EFCAB6: variants seen among roughly 807,000 people sequenced by gnomAD.
EFCAB6 encodes EF-hand calcium binding domain 6.
A neutral mutation model predicts 169.8 loss-of-function variants in EFCAB6; 156 were observed. The observed-to-expected ratio is 0.92, with a 90% CI of 0.81 to 1.05. The LOEUF (loss-of-function observed/expected upper bound fraction) is 1.05, where lower values mean the gene tolerates loss of function less well. Among genes scored for constraint, EFCAB6 ranks in the 50% least tolerant of loss-of-function variants. The pLI is 0.00. For synonymous variants in EFCAB6, 698 were observed against 676.4 expected, an observed-to-expected ratio of 1.03 and a Z score of -0.50; for missense variants, 1,800 against 1,829.1, an observed-to-expected ratio of 0.98 and a Z score of 0.29.
intron 17 of EFCAB6, among the ~76,000 whole-genome samples, chr22:43,644,175 C>T (rs2055997500): frequency 6.6e-6 from 1 of 152,068 alleles, no homozygotes; most frequent in Admixed American, 6.6e-5. Flanking sequence ...TATGTAGATT[C>T]ACTCTCGTGA....
chr22:43,671,996 A>T lies in EFCAB6; in HGVS notation c.1617T>A (p.Phe539Leu), dbSNP rs1195003535. 1 of 1,613,284 alleles carries T rather than the reference A, an allele frequency of 6.2e-7. No homozygotes were observed. ...FKKIMHVFCP[F>L]LTNAHFIKLC... ...ACTTTATGAAATGTGCATTCGTTAA[A>T]AATGGACAGAAGACGTGCATGATTT... The change falls in exon 15 of 32, where the codon TTT becomes TTA. Residue 539 changes from phenylalanine to leucine, a missense_variant. By Grantham distance (22) the Phe-to-Leu change is conservative. Transcript: ENST00000262726.
intron 2 of EFCAB6, among the ~76,000 whole-genome samples, chr22:43,793,583 A>G (rs1307084553): frequency 8.1e-6 from 1 of 123,936 alleles, no homozygotes; most frequent in Non-Finnish European, 1.8e-5. Flanking sequence ...GTTAAAGAAA[A>G]TGGCAATATG....
At chr22:43,755,992 A>G (rs375790418) in intron 5 of EFCAB6, among the ~76,000 whole-genome samples, 160 bp from the exon 6 acceptor site, 7 of 152,274 alleles carry the variant, frequency 4.6e-5, no homozygotes, top group Admixed American at 6.5e-5. Flanking sequence ...AAACTGGGCA[A>G]ATTACTTTGT....
intron 3 of EFCAB6, among the ~76,000 whole-genome samples, chr22:43,774,784 A>T (rs2061586292): frequency 6.6e-6 from 1 of 151,732 alleles, no homozygotes; most frequent in Admixed American, 6.6e-5. Context: ...CAGCCTGGGC[A>T]AAAGGGGGAT....
chr22:43,576,186 C>T lies in EFCAB6; in HGVS notation c.3420+111G>A, dbSNP rs536669914. On this transcript the variant is annotated intron_variant, in intron 26 of 31. Coordinates refer to ENST00000262726, the MANE Select transcript of EFCAB6 (RefSeq NM_022785.4). ...TTTTTCATTTAGAATGAGCTAATTA[C>T]ATGAGGTGATTGCCAATTTATCTGA... 6.3e-4 allele frequency: 543 copies of T among 855,854 alleles called. 1 individual carries two copies. The highest frequency in any genetic ancestry group is 6.2e-3 in the Middle Eastern group (17 of 2,724). The allele number at this position is 855,854 out of a possible 1,614,324, so 53.0% of individuals were successfully genotyped here.
chr22:43,721,352 C>T (rs2059518956), intron 8 of EFCAB6, among the ~76,000 whole-genome samples: 1 of 152,124 alleles, frequency 6.6e-6, no homozygotes, highest in Admixed American at 6.6e-5. Context: ...ATCAATGTCA[C>T]TCTTCAAGAA....
intron 5 of EFCAB6, among the ~76,000 whole-genome samples, chr22:43,764,508 T>A (rs1432937460): frequency 6.6e-6 from 1 of 152,150 alleles, no homozygotes; most frequent in Non-Finnish European, 1.5e-5. Context: ...AACATATGAG[T>A]GCATGTGTCT....
At chr22:43,761,436 A>G (rs1192762221) in intron 5 of EFCAB6, among the ~76,000 whole-genome samples, 1 of 152,098 alleles carries the variant, frequency 6.6e-6, no homozygotes, top group African/African-American at 2.4e-5. Context: ...CTCTCAGTCC[A>G]CAAATGTTCC....
At chr22:43,679,226 T>G (rs1317760035) in intron 12 of EFCAB6, among the ~76,000 whole-genome samples, 2 of 152,214 alleles carry the variant, frequency 1.3e-5, no homozygotes, top group African/African-American at 4.8e-5. Flanking sequence ...TTCTGGATAT[T>G]TCATGTAAAT....
chr22:43,753,687 C>T (rs1391164054), intron 6 of EFCAB6, among the ~76,000 whole-genome samples: 2 of 152,166 alleles, frequency 1.3e-5, no homozygotes, highest in Non-Finnish European at 2.9e-5. Context: ...AATCAGCCAT[C>T]AGACCAAGCT....
intron 10 of EFCAB6, among the ~76,000 whole-genome samples, chr22:43,704,821 C>A (rs2058896342): frequency 6.7e-6 from 1 of 149,624 alleles, no homozygotes; most frequent in Non-Finnish European, 1.5e-5. Context: ...AGGAAGATAC[C>A]AAGAGAGGAA....
Position 43,600,166 on chromosome 22 carries a change from C to T in EFCAB6, c.2779G>A (p.Asp927Asn), listed in dbSNP as rs779118999. The change falls in exon 23 of 32, where the codon GAT becomes AAT. Residue 927 changes from aspartate (D) to asparagine (N), a missense_variant. Physicochemically the swap from Asp to Asn is conservative, Grantham distance 23 (BLOSUM62 1). Coordinates refer to ENST00000262726, the MANE Select transcript of EFCAB6 (RefSeq NM_022785.4). ...SPAVHRPCAE[D>N]YFNFMGHFTK... is the part of the protein sequence containing the mutation. ...AAATGACCCATGAAGTTGAAATAATCCTCTGCACAGGGCCGATGGACAGCA... is the reference window on the plus strand; with the variant it reads ...AAATGACCCATGAAGTTGAAATAATTCTCTGCACAGGGCCGATGGACAGCA... 16 of 1,614,144 alleles carry T rather than the reference C, an allele frequency of 9.9e-6. No homozygotes were observed. Among genetic ancestry groups the T allele is most frequent in the Non-Finnish European group, 1.2e-5 (14 of 1,180,022 alleles).
intron 1 of EFCAB6, among the ~76,000 whole-genome samples, chr22:43,810,360 T>C (rs537380667): frequency 6.6e-6 from 1 of 152,306 alleles, no homozygotes; most frequent in Non-Finnish European, 1.5e-5. Context: ...TAACAAATGG[T>C]ACCTGAAACA....
intron 26 of EFCAB6, among the ~76,000 whole-genome samples, chr22:43,562,091 G>A (rs2049077310): frequency 6.6e-6 from 1 of 152,146 alleles, no homozygotes; most frequent in Non-Finnish European, 1.5e-5. Flanking sequence ...ATGGAGTGCA[G>A]TCATATGCAC....
chr22:43,576,155 T>C (rs1199784953), intron 26 of EFCAB6, 142 bp downstream of exon 26: 16 of 590,306 alleles, frequency 2.7e-5, no homozygotes, highest in African/African-American at 3.9e-5. Context: ...ATATAATTTA[T>C]ACCAGTTTTT....
At chr22:43,558,088 A>T (rs891829626) in intron 26 of EFCAB6, among the ~76,000 whole-genome samples, 3 of 152,244 alleles carry the variant, frequency 2.0e-5, no homozygotes, top group Non-Finnish European at 4.4e-5. Context: ...GAACAAAATA[A>T]GCATGATTTC....
At chr22:43,760,443 T>C (rs1280315724) in intron 5 of EFCAB6, among the ~76,000 whole-genome samples, 1 of 152,210 alleles carries the variant, frequency 6.6e-6, no homozygotes, top group Non-Finnish European at 1.5e-5. Context: ...GTCTGCAGTT[T>C]CACTGCGATA....
intron 4 of EFCAB6, among the ~76,000 whole-genome samples, chr22:43,767,296 C>T (rs947958618): frequency 6.6e-6 from 1 of 152,196 alleles, no homozygotes; most frequent in Non-Finnish European, 1.5e-5. Context: ...TGGAGAGGGG[C>T]TCACAGGGTG....
At chr22:43,755,293 T>A (rs748751043) in intron 6 of EFCAB6, among the ~76,000 whole-genome samples, 1 of 152,236 alleles carries the variant, frequency 6.6e-6, no homozygotes, top group Non-Finnish European at 1.5e-5. Context: ...ATAGGAACGA[T>A]GCTATATGCT....
Sources: gnomAD v4.1 joint callset for allele counts (sites outside exome capture counted in the v4.1 genomes callset) on GRCh38, gnomAD v4.1.1 for gene constraint, MANE v1.5 for transcripts, NCBI Gene and HGNC (gene_info 2026-07-23, HGNC 2026-07-21) for gene names.